The following DLGAP2 variants were observed in gnomAD, a reference collection of about 807,000 sequenced individuals.
DLGAP2 encodes disks large-associated protein 2.
In DLGAP2, 26 loss-of-function variants were observed where a neutral mutation model predicts 100.3. The observed-to-expected ratio is 0.26, with a 90% CI of 0.19 to 0.36. The LOEUF (loss-of-function observed/expected upper bound fraction) is 0.36, where lower values mean the gene tolerates loss of function less well. DLGAP2 is among the 10% of genes least tolerant of loss of function. The pLI, the probability that DLGAP2 is intolerant of heterozygous loss-of-function variation, is 1.00. For missense variants in DLGAP2, 1,858 were observed against 1,453.2 expected, an observed-to-expected ratio of 1.28 and a Z score of -4.53; for synonymous variants, 886 against 630.1, an observed-to-expected ratio of 1.41 and a Z score of -6.08.
intron 3 of DLGAP2, among the ~76,000 whole-genome samples, chr8:1,374,502 T>A (rs1333568048): frequency 1.3e-5 from 2 of 152,178 alleles, no homozygotes; most frequent in African/African-American, 2.4e-5. Flanking sequence ...TTCTGAGGCT[T>A]CTGTTCGCTC....
At chr8:1,630,945 C>T (rs1393084508) in intron 7 of DLGAP2, among the ~76,000 whole-genome samples, 15 of 141,384 alleles carry the variant, frequency 1.1e-4, no homozygotes, top group South Asian at 2.4e-4. Flanking sequence ...AGGGTCTCGG[C>T]GGGAGGTCCC....
At chr8:1,674,228 A>G (rs958511101) in intron 10 of DLGAP2, among the ~76,000 whole-genome samples, 3 of 151,878 alleles carry the variant, frequency 2.0e-5, no homozygotes, top group African/African-American at 7.3e-5. Flanking sequence ...CTTTTTTTGT[A>G]GAGATGGGGT....
At chr8:1,369,102 C>T (rs1036662271) in intron 3 of DLGAP2, 1 of 152,140 alleles carries the variant, frequency 6.6e-6, no homozygotes, top group African/African-American at 2.4e-5. Flanking sequence ...GAATGCAGAA[C>T]CCTAAATCCA....
intron 2 of DLGAP2, among the ~76,000 whole-genome samples, chr8:1,249,802 C>A (rs144837556): frequency 6.6e-6 from 1 of 152,132 alleles, no homozygotes. Context: ...GGTGCACATC[C>A]GTTAGGCAGT....
At chr8:1,051,202 A>T (rs548301461) in intron 2 of DLGAP2, among the ~76,000 whole-genome samples, 21 of 152,180 alleles carry the variant, frequency 1.4e-4, no homozygotes, top group African/African-American at 4.8e-4. Context: ...TCGAAGCACA[A>T]CTGCATGAGT....
intron 2 of DLGAP2, among the ~76,000 whole-genome samples, chr8:1,172,782 C>T (rs998276773): frequency 6.6e-6 from 1 of 152,120 alleles, no homozygotes; most frequent in African/African-American, 2.4e-5. Context: ...GTTATACATT[C>T]TTCTAAATTT....
chr8:1,189,548 G>A (rs1028894297), intron 2 of DLGAP2, among the ~76,000 whole-genome samples: 1 of 152,132 alleles, frequency 6.6e-6, no homozygotes, highest in African/African-American at 2.4e-5. Context: ...ACAGCATTTG[G>A]TTAGGGAAAG....
At chr8:1,430,147 G>T (rs1306831396) in intron 3 of DLGAP2, among the ~76,000 whole-genome samples, 1 of 150,164 alleles carries the variant, frequency 6.7e-6, no homozygotes, top group Non-Finnish European at 1.5e-5. Context: ...GGCTCCTTAG[G>T]AGGTTTCAGC....
At chr8:1,578,016 T>C (rs910576550) in intron 6 of DLGAP2, among the ~76,000 whole-genome samples, 15 of 152,254 alleles carry the variant, frequency 9.9e-5, no homozygotes, top group African/African-American at 3.6e-4. Context: ...ACTAAGTTTA[T>C]CTTATACCCA....
At chr8:1,344,920 C>T (rs969929187) in intron 3 of DLGAP2, among the ~76,000 whole-genome samples, 3 of 152,212 alleles carry the variant, frequency 2.0e-5, no homozygotes, top group African/African-American at 7.2e-5. Context: ...GGTCAAAGGA[C>T]AGGGTCTTGG....
intron 2 of DLGAP2, among the ~76,000 whole-genome samples, chr8:1,022,781 C>G (rs914647389): frequency 9.2e-5 from 14 of 151,760 alleles, no homozygotes; most frequent in Admixed American, 7.2e-4. Flanking sequence ...AGTCCCATGC[C>G]GAGGTAGACA....
At chr8:912,655 A>G (rs1388323015) in intron 2 of DLGAP2, among the ~76,000 whole-genome samples, 6 of 140,628 alleles carry the variant, frequency 4.3e-5, no homozygotes, top group Non-Finnish European at 7.7e-5. Context: ...CCCACACCAC[A>G]GTGTCCATCT....
chr8:1,634,919 C>CA (rs1159493212), intron 8 of DLGAP2, among the ~76,000 whole-genome samples: 11 of 151,730 alleles, frequency 7.2e-5, no homozygotes, highest in African/African-American at 1.2e-4. Flanking sequence ...AAATAAATTA[C>CA]AAAAAAAAGA....
At chr8:1,427,831 C>G (rs1171383459) in intron 3 of DLGAP2, among the ~76,000 whole-genome samples, 6 of 152,176 alleles carry the variant, frequency 3.9e-5, no homozygotes, top group Admixed American at 3.3e-4. Context: ...ATTGCCCAGT[C>G]TTGGGTATGT....
intron 2 of DLGAP2, among the ~76,000 whole-genome samples, chr8:938,908 G>A (rs531413601): frequency 2.0e-5 from 3 of 152,376 alleles, no homozygotes; most frequent in South Asian, 2.1e-4. Flanking sequence ...CCGAGGAAGA[G>A]TGTGAGGATG....
chr8:1,654,677 A>AAAT (rs1798244205), intron 8 of DLGAP2, among the ~76,000 whole-genome samples: 1 of 152,084 alleles, frequency 6.6e-6, no homozygotes, highest in Non-Finnish European at 1.5e-5. Context: ...AAAAAAAAAA[A>AAAT]AAGAATTGGA....
chr8:1,680,211 G>A (rs1295889064), intron 12 of DLGAP2, among the ~76,000 whole-genome samples: 2 of 152,072 alleles, frequency 1.3e-5, no homozygotes. Context: ...GAATTTATTT[G>A]TACATTGACA....
chr8:1,039,990 T>A (rs1401784518), intron 2 of DLGAP2, among the ~76,000 whole-genome samples: 17 of 144,084 alleles, frequency 1.2e-4, no homozygotes, highest in African/African-American at 4.4e-4. Context: ...GTGTGCATGG[T>A]CTGCTCAGTT....
At chr8:780,185 ACT>A (rs1219653033) in intron 1 of DLGAP2, among the ~76,000 whole-genome samples, 2 of 151,392 alleles carry the variant, frequency 1.3e-5, no homozygotes, top group African/African-American at 4.9e-5. Flanking sequence ...TCACTGTTCT[ACT>A]CTGTTTCCAT....
Sources: allele counts gnomAD v4.1 joint callset (sites outside exome capture counted in the v4.1 genomes callset), GRCh38; gene constraint gnomAD v4.1.1; transcripts MANE v1.5; gene names NCBI Gene and HGNC (gene_info 2026-07-23, HGNC 2026-07-21).